ANK3: variants seen among roughly 807,000 people sequenced by gnomAD.
The protein encoded by ANK3 is ankyrin-3.
ANK3 carries 57 observed loss-of-function variants against 370.9 expected under a neutral mutation model. The ratio of observed to expected loss-of-function variants is 0.15; its 90% confidence interval spans 0.12 to 0.19. The LOEUF is 0.19. ANK3 is among the 10% of genes least tolerant of loss of function. ANK3 has a pLI of 1.00. For missense variants in ANK3, 4,439 were observed against 5,302.1 expected, an observed-to-expected ratio of 0.84 and a Z score of 5.06; for synonymous variants, 1,929 against 1,946.3, an observed-to-expected ratio of 0.99 and a Z score of 0.23.
At chr10:60,557,157 G>C (rs1482316953) in intron 2 of ANK3, among the ~76,000 whole-genome samples, 1 of 152,122 alleles carries the variant, frequency 6.6e-6, no homozygotes, top group African/African-American at 2.4e-5. Context: ...ATACCCAAAA[G>C]AACTGGAAAC....
chr10:60,270,783 A>T (rs559273382), intron 4 of ANK3, among the ~76,000 whole-genome samples: 1 of 152,326 alleles, frequency 6.6e-6, no homozygotes, highest in South Asian at 2.1e-4. Flanking sequence ...AAGTTACCAC[A>T]GATGTGGTCT....
At chr10:60,690,175 A>T (rs2079330519) in intron 1 of ANK3, among the ~76,000 whole-genome samples, 1 of 152,250 alleles carries the variant, frequency 6.6e-6, no homozygotes, top group South Asian at 2.1e-4. Context: ...TCAAAGCAGA[A>T]AACGGGTGAT....
At chr10:60,242,195 C>T (rs2097474427) in intron 7 of ANK3, among the ~76,000 whole-genome samples, 1 of 152,036 alleles carries the variant, frequency 6.6e-6, no homozygotes, top group African/African-American at 2.4e-5. Flanking sequence ...GATAAAATTC[C>T]AATTTAGAAA....
chr10:60,630,418 C>T (rs1371500335), intron 1 of ANK3, among the ~76,000 whole-genome samples: 4 of 152,172 alleles, frequency 2.6e-5, no homozygotes, highest in East Asian at 1.9e-4. Context: ...GCAAGGTGAA[C>T]GAGATAGGTA....
chr10:60,118,256 T>A (rs1034139336), intron 25 of ANK3, among the ~76,000 whole-genome samples: 4 of 152,234 alleles, frequency 2.6e-5, no homozygotes, highest in African/African-American at 4.8e-5. Flanking sequence ...TTTAAAAACT[T>A]ACTCTGAATT....
At chr10:60,371,862 GA>G (rs1320693486) in intron 1 of ANK3, among the ~76,000 whole-genome samples, 1 of 152,074 alleles carries the variant, frequency 6.6e-6, no homozygotes, top group Non-Finnish European at 1.5e-5. Context: ...AAGAAGGTGA[GA>G]AAAGAAAGCA....
intron 2 of ANK3, among the ~76,000 whole-genome samples, chr10:60,522,849 A>C (rs954950843): frequency 2.0e-5 from 3 of 152,150 alleles, no homozygotes; most frequent in African/African-American, 7.2e-5. Flanking sequence ...CCAGTAAGAC[A>C]TTACAACCAG....
intron 23 of ANK3, chr10:60,140,145 G>C: frequency 1.7e-6 from 1 of 585,078 alleles, no homozygotes; most frequent in Non-Finnish European, 3.0e-6. Flanking sequence ...AACCGCAAGA[G>C]CTCAGCTTTT....
intron 1 of ANK3, among the ~76,000 whole-genome samples, chr10:60,698,279 T>C (rs1402695009): frequency 6.7e-6 from 1 of 149,596 alleles, no homozygotes; most frequent in South Asian, 2.1e-4. Context: ...TGTGGAGAAA[T>C]AGGAACACTT....
intron 1 of ANK3, among the ~76,000 whole-genome samples, chr10:60,328,199 C>A (rs1232285996): frequency 3.3e-5 from 5 of 152,072 alleles, no homozygotes; most frequent in Admixed American, 1.3e-4. Context: ...ACAATGGAAG[C>A]AAATACAACA....
chr10:60,363,795 T>C (rs1425582303), intron 1 of ANK3, among the ~76,000 whole-genome samples: 1 of 152,064 alleles, frequency 6.6e-6, no homozygotes, highest in East Asian at 1.9e-4. Flanking sequence ...AAAATGAGAA[T>C]GAAAAAGGCA....
intron 1 of ANK3, among the ~76,000 whole-genome samples, chr10:60,363,112 A>G (rs548726580): frequency 2.0e-5 from 3 of 151,966 alleles, no homozygotes; most frequent in Non-Finnish European, 4.4e-5. Context: ...GCGCAATACA[A>G]CATGCAGTTC....
intron 25 of ANK3, among the ~76,000 whole-genome samples, chr10:60,119,876 T>C (rs964655690): frequency 6.6e-6 from 1 of 152,170 alleles, no homozygotes; most frequent in African/African-American, 2.4e-5. Context: ...TATTTAACAG[T>C]ATGTCCATAC....
chr10:60,095,710 T>C (rs914654142), intron 28 of ANK3, among the ~76,000 whole-genome samples: 33 of 152,224 alleles, frequency 2.2e-4, no homozygotes, highest in African/African-American at 5.5e-4. Context: ...AAAAAATGCA[T>C]GTGAAAAAGT....
intron 8 of ANK3, among the ~76,000 whole-genome samples, chr10:60,217,699 G>A (rs1367317676): frequency 6.6e-6 from 1 of 152,196 alleles, no homozygotes; most frequent in Non-Finnish European, 1.5e-5. Flanking sequence ...TCGAACAAGT[G>A]CCATGTGGCA....
At chr10:60,655,568 T>A (rs1451204750) in intron 1 of ANK3, among the ~76,000 whole-genome samples, 3 of 152,058 alleles carry the variant, frequency 2.0e-5, no homozygotes, top group Non-Finnish European at 4.4e-5. Context: ...TATAAAAACA[T>A]CAAAAATTTT....
At chr10:60,570,694 C>A (rs2077573302) in intron 2 of ANK3, among the ~76,000 whole-genome samples, 1 of 152,030 alleles carries the variant, frequency 6.6e-6, no homozygotes, top group South Asian at 2.1e-4. Context: ...GGGTGATGAT[C>A]AAAGCTTTCA....
intron 1 of ANK3, among the ~76,000 whole-genome samples, chr10:60,681,619 G>A (rs1318212066): frequency 2.0e-5 from 3 of 152,092 alleles, no homozygotes; most frequent in Non-Finnish European, 2.9e-5. Context: ...AGTATCCTAT[G>A]TGGCTGCATT....
At chr10:60,360,762 G>A (rs1238681504) in intron 1 of ANK3, among the ~76,000 whole-genome samples, 1 of 152,048 alleles carries the variant, frequency 6.6e-6, no homozygotes, top group Non-Finnish European at 1.5e-5. Context: ...CGGGAGACAG[G>A]AGCTGGATTT....
Sources: gnomAD v4.1 joint callset for allele counts (sites outside exome capture counted in the v4.1 genomes callset) on GRCh38, gnomAD v4.1.1 for gene constraint, MANE v1.5 for transcripts, NCBI Gene and HGNC (gene_info 2026-07-23, HGNC 2026-07-21) for gene names.